ATP8A1: variants seen among roughly 807,000 people sequenced by gnomAD.
The protein encoded by ATP8A1 is phospholipid-transporting ATPase IA.
A neutral mutation model predicts 177.7 loss-of-function variants in ATP8A1; 90 were observed. The observed-to-expected ratio is 0.51, with a 90% CI of 0.43 to 0.60. ATP8A1 has a LOEUF of 0.60. ATP8A1 is among the 20% of genes least tolerant of loss of function. ATP8A1 has a pLI of 0.00. For synonymous variants in ATP8A1, 493 were observed against 485.9 expected (o/e 1.01, Z -0.19); for missense variants, 1,072 against 1,392.8 (o/e 0.77, Z 3.67).
chr4:42,545,924 A>C (rs1728867743), intron 19 of ATP8A1, among the ~76,000 whole-genome samples: 1 of 152,146 alleles, frequency 6.6e-6, no homozygotes, highest in Non-Finnish European at 1.5e-5. Context: ...CAGTGAGCTG[A>C]GATCGAGCCA....
intron 20 of ATP8A1, among the ~76,000 whole-genome samples, chr4:42,541,788 T>C (rs567151622): frequency 1.3e-5 from 2 of 152,250 alleles, no homozygotes; most frequent in East Asian, 3.9e-4. Context: ...TACCATATCA[T>C]TCTAACTATA....
intron 22 of ATP8A1, among the ~76,000 whole-genome samples, chr4:42,507,795 A>AAAC (rs1724582303): frequency 7.1e-6 from 1 of 140,536 alleles, no homozygotes. Flanking sequence ...AAAAAAAAAA[A>AAAC]AAAAAAAAAA....
At position 42,657,097 on chromosome 4, in the gene ATP8A1, C is replaced by A. The variant is rs1391820004; in HGVS notation, c.-224G>T. The A allele has an allele frequency of 7.7e-6, 3 of 388,532 alleles. No individual in the cohort carries two copies. Among genetic ancestry groups the A allele is most frequent in the Non-Finnish European group, 1.3e-5 (3 of 227,530 alleles). The allele number at this position is 388,532 out of a possible 1,614,324, so 24.1% of individuals were successfully genotyped here. On this transcript the variant is annotated 5_prime_UTR_variant, in exon 1 of 37. Coordinates refer to ENST00000381668, the MANE Select transcript of ATP8A1 (RefSeq NM_006095.2). ...AGGTGGCGGCGCCCGCAGAGCTGGGCGAGCTCTTGCTGCAGCCGCGGAGGG... is the reference window on the plus strand; with the variant it reads ...AGGTGGCGGCGCCCGCAGAGCTGGGAGAGCTCTTGCTGCAGCCGCGGAGGG...
chr4:42,466,522 T>C (rs1482002905), intron 25 of ATP8A1, among the ~76,000 whole-genome samples: 1 of 152,226 alleles, frequency 6.6e-6, no homozygotes, highest in Non-Finnish European at 1.5e-5. Flanking sequence ...CTGAGAATCA[T>C]TGCATTAGAC....
intron 25 of ATP8A1, among the ~76,000 whole-genome samples, chr4:42,470,374 AT>A (rs1358467067): frequency 6.6e-6 from 1 of 152,240 alleles, no homozygotes; most frequent in Non-Finnish European, 1.5e-5. Context: ...TAAGAAGTAT[AT>A]AGGTGGTCCA....
In ATP8A1 at chr4:42,412,966, C is replaced by T. The variant is rs866754505; in HGVS notation, c.3445G>A (p.Glu1149Lys). 6.2e-7 allele frequency: 1 copy of T among 1,613,534 alleles called. No homozygotes were observed. The highest frequency in any genetic ancestry group is 1.7e-5 in the Admixed American group (1 of 59,964). ...GTGGTATCATATGCTCTTATCACTTCAGACTGTGAAACGATTCCATTTTCA... is the reference window on the plus strand; with the variant it reads ...GTGGTATCATATGCTCTTATCACTTTAGACTGTGAAACGATTCCATTTTCA... ...QDENGIVSQS[E>K]VIRAYDTTKQ... The change falls in exon 37 of 37, where the codon GAA becomes AAA. Residue 1149 changes from glutamate (E) to lysine (K), a missense_variant. Physicochemically the swap from Glu to Lys is moderately conservative, Grantham distance 56 (BLOSUM62 1). Around this residue, in one of 5 missense-constraint regions of ATP8A1, gnomAD observed 316 missense variants for 459.1 expected, o/e 0.69. Coordinates refer to ENST00000381668, the MANE Select transcript of ATP8A1 (RefSeq NM_006095.2).
chr4:42,506,949 C>A, intron 23 of ATP8A1, 67 bp downstream of exon 23: 1 of 1,520,940 alleles, frequency 6.6e-7, no homozygotes, highest in Non-Finnish European at 9.0e-7. Context: ...TGTCTCAAAT[C>A]CATCTTCTGA....
intron 1 of ATP8A1, among the ~76,000 whole-genome samples, chr4:42,638,185 T>G (rs1259855044): frequency 6.6e-6 from 1 of 152,224 alleles, no homozygotes; most frequent in Non-Finnish European, 1.5e-5. Flanking sequence ...TAATAACCAC[T>G]AATATATTTT....
At chr4:42,559,852 T>G (rs1247647154) in intron 15 of ATP8A1, among the ~76,000 whole-genome samples, 2 of 152,112 alleles carry the variant, frequency 1.3e-5, no homozygotes, top group Admixed American at 1.3e-4. Context: ...ATTACAGGCA[T>G]GTGTCATCAC....
rs182414279 is a variant in ATP8A1, at chr4:42,434,203, A to G, written c.3123+9362T>C. On this transcript the variant is annotated intron_variant, in intron 33 of 36. Transcript: ENST00000381668. ...TAAAAAAAATTTTTTTCATTAAGAG[A>G]AACAAAATTTTAAAATACTATGATG... Among the ~76,000 whole-genome samples the G allele has an allele frequency of 2.0e-3, 310 of 152,284 alleles. 4 individuals carry two copies. Among genetic ancestry groups the G allele is most frequent in the Non-Finnish European group, 3.2e-3 (217 of 68,022 alleles).
At chr4:42,464,860 G>A (rs1341056859) in intron 26 of ATP8A1, 33 bp downstream of exon 26, 1 of 1,612,578 alleles carries the variant, frequency 6.2e-7, no homozygotes, top group South Asian at 1.1e-5. Flanking sequence ...TTGACTGAGA[G>A]GAATGATGTG....
At chr4:42,570,859 C>T (rs1237626911) in intron 14 of ATP8A1, among the ~76,000 whole-genome samples, 2 of 152,184 alleles carry the variant, frequency 1.3e-5, no homozygotes, top group Non-Finnish European at 2.9e-5. Context: ...TCCTTGCCTT[C>T]CCTGTTTAGA....
At chr4:42,526,257 C>T (rs1726661839) in intron 20 of ATP8A1, among the ~76,000 whole-genome samples, 1 of 152,092 alleles carries the variant, frequency 6.6e-6, no homozygotes. Flanking sequence ...AAGATGTGGC[C>T]TTCTGCATTA....
rs950806479 is a variant in ATP8A1 at position 42,619,412 on chromosome 4, C to T, written c.364-3334G>A. On this transcript the variant is annotated intron_variant, in intron 4 of 36. Coordinates refer to ENST00000381668, the MANE Select transcript of ATP8A1 (RefSeq NM_006095.2). Reference sequence around the variant, plus strand: ...ACAGGAACTAGCATTTAGCATAATACAGCTTTTTAGAAGAGAGTTCTCCAT... The same window carrying T: ...ACAGGAACTAGCATTTAGCATAATATAGCTTTTTAGAAGAGAGTTCTCCAT... Among the ~76,000 whole-genome samples the T allele has an allele frequency of 2.0e-5, 3 of 152,080 alleles. No individual in the cohort carries two copies. In the East Asian group the frequency reaches 5.8e-4, roughly 29 times the overall value.
At chr4:42,533,178 T>TGCAG (rs1349194923) in intron 20 of ATP8A1, among the ~76,000 whole-genome samples, 6 of 152,156 alleles carry the variant, frequency 3.9e-5, no homozygotes, top group African/African-American at 1.4e-4. Context: ...AGACTGCTGC[T>TGCAG]GCAGGCTCCA....
At chr4:42,515,804 A>G (rs961942019) in intron 22 of ATP8A1, among the ~76,000 whole-genome samples, 1 of 152,188 alleles carries the variant, frequency 6.6e-6, no homozygotes, top group Non-Finnish European at 1.5e-5. Flanking sequence ...CGGTGCTCAG[A>G]TATTTGTTGC....
intron 14 of ATP8A1, among the ~76,000 whole-genome samples, chr4:42,572,245 A>C (rs1408123491): frequency 6.6e-6 from 1 of 152,174 alleles, no homozygotes; most frequent in Non-Finnish European, 1.5e-5. Flanking sequence ...ATATTAAGCA[A>C]TTGTTAAATG....
chr4:42,463,132 G>A (rs1719351193), intron 27 of ATP8A1, among the ~76,000 whole-genome samples: 1 of 152,188 alleles, frequency 6.6e-6, no homozygotes, highest in South Asian at 2.1e-4. Context: ...GCTGAAATGA[G>A]TTAAGACTTT....
At chr4:42,604,976 T>C (rs1735649087) in intron 5 of ATP8A1, among the ~76,000 whole-genome samples, 1 of 152,142 alleles carries the variant, frequency 6.6e-6, no homozygotes, top group Non-Finnish European at 1.5e-5. Context: ...GACAAATCCA[T>C]GGAGACAAAA....
Sources: gnomAD v4.1 joint callset for allele counts (sites outside exome capture counted in the v4.1 genomes callset) on GRCh38, gnomAD v4.1.1 for gene constraint, gnomAD v4.1.1 regional missense constraint, MANE v1.5 for transcripts, NCBI Gene and HGNC (gene_info 2026-07-23, HGNC 2026-07-21) for gene names.